TTC28: variants seen among roughly 807,000 people sequenced by gnomAD.
The protein encoded by TTC28 is tetratricopeptide repeat protein 28.
In TTC28, 61 loss-of-function variants were observed where a neutral mutation model predicts 198.0. The ratio of observed to expected loss-of-function variants is 0.31; its 90% confidence interval spans 0.25 to 0.38. The LOEUF (loss-of-function observed/expected upper bound fraction) is 0.38. Ranked by LOEUF, TTC28 falls within the 10% of genes least tolerant of loss-of-function variation. TTC28 has a pLI of 1.00. For missense variants in TTC28, 2,678 were observed against 3,164.0 expected (o/e 0.85, Z 3.69); for synonymous variants, 1,171 against 1,297.8 (o/e 0.90, Z 2.10).
intron 2 of TTC28, among the ~76,000 whole-genome samples, chr22:28,338,223 T>C (rs996637457): frequency 2.0e-5 from 3 of 152,258 alleles, no homozygotes; most frequent in Non-Finnish European, 4.4e-5. Flanking sequence ...GTTAGTCTGA[T>C]GGGCTTCCTT....
intron 1 of TTC28, among the ~76,000 whole-genome samples, chr22:28,678,576 C>T (rs750180278): frequency 6.6e-6 from 1 of 152,178 alleles, no homozygotes; most frequent in Non-Finnish European, 1.5e-5. Context: ...CTAAAACATA[C>T]TGAAAACATG....
intron 12 of TTC28, among the ~76,000 whole-genome samples, chr22:28,036,124 C>A (rs1039968557): frequency 6.6e-6 from 1 of 152,206 alleles, no homozygotes; most frequent in African/African-American, 2.4e-5. Flanking sequence ...ATGAACTCAG[C>A]TCTGGACCAA....
intron 10 of TTC28, among the ~76,000 whole-genome samples, chr22:28,098,674 G>A (rs1463960182): frequency 2.6e-5 from 4 of 152,108 alleles, no homozygotes; most frequent in Admixed American, 2.0e-4. Context: ...TTGGGGTCAG[G>A]AACCAGGACT....
chr22:27,985,316 C>T lies in TTC28; in HGVS notation c.5748G>A (p.Leu1916=), dbSNP rs1405139595. 3 of 1,551,524 alleles carry T rather than the reference C, an allele frequency of 1.9e-6. No homozygotes were observed. Among genetic ancestry groups the T allele is most frequent in the Non-Finnish European group, 2.6e-6 (3 of 1,146,892 alleles). Reference sequence around the variant, plus strand: ...GTCGATTAGCTTGCTTCCCGGTTTTCAGGATTACTTCCTCCTGACCAACTT... The same window carrying T: ...GTCGATTAGCTTGCTTCCCGGTTTTTAGGATTACTTCCTCCTGACCAACTT... ...LCEVGQEEVI[L]KTGKQANRRT... The change falls in exon 22 of 23, where the codon CTG becomes CTA. Residue 1916 remains leucine, a synonymous_variant. Transcript: ENST00000397906.
At chr22:28,268,597 G>A (rs1163830165) in intron 5 of TTC28, among the ~76,000 whole-genome samples, 1 of 152,190 alleles carries the variant, frequency 6.6e-6, no homozygotes, top group Non-Finnish European at 1.5e-5. Flanking sequence ...TTCTAAAAGA[G>A]AATCAGTTTT....
At chr22:28,337,422 C>T (rs2045747264) in intron 2 of TTC28, among the ~76,000 whole-genome samples, 1 of 152,054 alleles carries the variant, frequency 6.6e-6, no homozygotes, top group Admixed American at 6.5e-5. Context: ...GTTGATCTGT[C>T]TAATGTTGAC....
intron 18 of TTC28, 195 bp downstream of exon 18, chr22:27,993,092 A>G: frequency 1.6e-6 from 1 of 607,526 alleles, no homozygotes; most frequent in South Asian, 2.1e-5. Flanking sequence ...CACAGATGGA[A>G]ACAGCAGGTA....
At position 28,010,460 on chromosome 22, in the gene TTC28, G is replaced by A. The variant is rs578210705; in HGVS notation, c.4218+3788C>T. 2.6e-5 allele frequency among the ~76,000 whole-genome samples: 4 copies of A among 152,338 alleles called. No homozygotes were observed. In the South Asian group the frequency reaches 8.3e-4, roughly 32 times the overall value. ...AGAGGATCCCTTTCCAGGATGACCT[G>A]TGGCGCTGGGGAAGCACTGGGATGG... On this transcript the variant is annotated intron_variant, in intron 14 of 22. Coordinates refer to ENST00000397906, the MANE Select transcript of TTC28 (RefSeq NM_001145418.2).
chr22:28,319,127 T>G (rs886074866), intron 2 of TTC28, among the ~76,000 whole-genome samples: 3 of 152,138 alleles, frequency 2.0e-5, no homozygotes, highest in Non-Finnish European at 4.4e-5. Context: ...CACTCATGGC[T>G]TCTAAATTTA....
In TTC28 at chr22:28,107,265, T is replaced by C. The variant is rs766185211; in HGVS notation, c.2580A>G (p.Gln860=). 1.5e-5 allele frequency: 24 copies of C among 1,551,656 alleles called. No individual in the cohort carries two copies. The highest frequency in any genetic ancestry group is 7.1e-5 in the South Asian group (6 of 84,066). ...MEEAIGYFEQ[Q]LAMLQQLSGN... is the part of the protein sequence containing the mutation. ...CACTTAGCTGCTGCAGCATGGCCAATTGCTGCTCAAAGTAGCCAATGGCTT... is the reference window on the plus strand; with the variant it reads ...CACTTAGCTGCTGCAGCATGGCCAACTGCTGCTCAAAGTAGCCAATGGCTT... The change falls in exon 7 of 23, where the codon CAA becomes CAG. Residue 860 remains glutamine (Q), a synonymous_variant. Transcript: ENST00000397906.
At chr22:28,673,507 T>C (rs1241153656) in intron 1 of TTC28, among the ~76,000 whole-genome samples, 2 of 152,212 alleles carry the variant, frequency 1.3e-5, no homozygotes, top group South Asian at 4.1e-4. Flanking sequence ...TGTTTCAACA[T>C]ACTATGGACG....
intron 5 of TTC28, among the ~76,000 whole-genome samples, chr22:28,221,962 C>T (rs1927908193): frequency 6.6e-6 from 1 of 152,158 alleles, no homozygotes; most frequent in South Asian, 2.1e-4. Flanking sequence ...AGTGGTTACT[C>T]AATAAAAATT....
intron 12 of TTC28, among the ~76,000 whole-genome samples, chr22:28,073,777 C>T (rs1941072559): frequency 6.6e-6 from 1 of 152,170 alleles, no homozygotes; most frequent in Non-Finnish European, 1.5e-5. Context: ...CTTTATTTTG[C>T]TTTGTCTCTT....
intron 12 of TTC28, among the ~76,000 whole-genome samples, chr22:28,061,283 G>T (rs1184900409): frequency 3.9e-5 from 6 of 152,172 alleles, no homozygotes; most frequent in African/African-American, 7.2e-5. Context: ...TAGACATGAA[G>T]TCCTTGGCCA....
At position 27,979,688 on chromosome 22, in the gene TTC28, T is replaced by C. The variant is rs942740130; in HGVS notation, c.*2533A>G. The C allele has an allele frequency of 2.0e-5, 3 of 152,220 alleles. No homozygotes were observed. Among genetic ancestry groups the C allele is most frequent in the Non-Finnish European group, 2.9e-5 (2 of 68,040 alleles). 9.4% of individuals were successfully genotyped at this position (152,220 alleles called of 1,614,324 possible). On this transcript the variant is annotated 3_prime_UTR_variant, in exon 23 of 23. Transcript: ENST00000397906. ...AAAGAAATCTTGGTGAATTATACAA[T>C]TTCCTTTAATTCTAAGTGCATACTT...
intron 2 of TTC28, among the ~76,000 whole-genome samples, chr22:28,312,878 A>T (rs548001571): frequency 6.6e-6 from 1 of 152,326 alleles, no homozygotes; most frequent in South Asian, 2.1e-4. Flanking sequence ...GAACTGAAGG[A>T]GATAGAGACA....
At chr22:28,200,388 C>T (rs1050979565) in intron 5 of TTC28, among the ~76,000 whole-genome samples, 65 of 152,234 alleles carry the variant, frequency 4.3e-4, no homozygotes, top group African/African-American at 1.5e-3. Context: ...TTTCCTACAA[C>T]AGCATGTATT....
At chr22:28,403,722 C>G (rs1400641493) in intron 2 of TTC28, among the ~76,000 whole-genome samples, 1 of 152,204 alleles carries the variant, frequency 6.6e-6, no homozygotes, top group African/African-American at 2.4e-5. Flanking sequence ...CCCATTTTGT[C>G]TGCTTCACGT....
chr22:28,281,348 C>T (rs954029421), intron 5 of TTC28, among the ~76,000 whole-genome samples: 3 of 151,948 alleles, frequency 2.0e-5, no homozygotes, highest in Non-Finnish European at 2.9e-5. Flanking sequence ...TCTTCAAGTT[C>T]ATGTCTCTTT....
Sources: allele counts gnomAD v4.1 joint callset (sites outside exome capture counted in the v4.1 genomes callset), GRCh38; gene constraint gnomAD v4.1.1; transcripts MANE v1.5; gene names NCBI Gene and HGNC (gene_info 2026-07-23, HGNC 2026-07-21).